BMP2K: variants seen among roughly 807,000 people sequenced by gnomAD.
BMP2K encodes BMP-2-inducible protein kinase.
BMP2K carries 74 observed loss-of-function variants against 116.0 expected under a neutral mutation model. That is an observed-to-expected ratio of 0.64 (90% CI 0.53 to 0.77). The LOEUF (loss-of-function observed/expected upper bound fraction) is 0.77. Ranked by LOEUF, BMP2K falls within the 30% of genes least tolerant of loss-of-function variation. The probability of loss-of-function intolerance (pLI) is 0.00; values close to 1 mark genes in which losing one functional copy is unlikely to be tolerated. For synonymous variants in BMP2K, 486 were observed against 502.5 expected (o/e 0.97, Z 0.44); for missense variants, 1,365 against 1,403.6 (o/e 0.97, Z 0.44).
intron 1 of BMP2K, among the ~76,000 whole-genome samples, chr4:78,812,759 G>A (rs1161607711): frequency 6.6e-6 from 1 of 152,180 alleles, no homozygotes; most frequent in Non-Finnish European, 1.5e-5. Context: ...CTATTTGGCT[G>A]TGGTGGCTCA....
At chr4:78,799,637 C>T (rs543249984) in intron 1 of BMP2K, among the ~76,000 whole-genome samples, 22 of 152,112 alleles carry the variant, frequency 1.4e-4, no homozygotes, top group Non-Finnish European at 2.6e-4. Flanking sequence ...GCTTTTGTAT[C>T]AAAAGTACGT....
At position 78,859,822 on chromosome 4, in the gene BMP2K, A is replaced by G. The variant is rs571235281; in HGVS notation, c.987+135A>G. 3.8e-4 allele frequency: 240 copies of G among 639,376 alleles called. 3 individuals carry two copies. Among genetic ancestry groups the G allele is most frequent in the South Asian group, 2.6e-3 (128 of 49,886 alleles). 39.6% of individuals were successfully genotyped at this position (639,376 alleles called of 1,614,324 possible). A position where few individuals can be genotyped will look rare whatever the true frequency, so the allele number is the denominator to read the frequency against. On this transcript the variant is annotated intron_variant, in intron 8 of 15. Transcript: ENST00000502613. ...TTCTTGTTTCATGACAAGTGATCTG[A>G]TTGTGTGTTTGATATTTGTGGTATA... is the stretch of plus-strand genomic sequence containing the variant.
At chr4:78,783,894 A>G (rs1727617622) in intron 1 of BMP2K, among the ~76,000 whole-genome samples, 1 of 152,226 alleles carries the variant, frequency 6.6e-6, no homozygotes, top group South Asian at 2.1e-4. Context: ...TTTAGGCTGT[A>G]GTCAACTATT....
At chr4:78,886,902 T>A (rs947364278) in intron 14 of BMP2K, among the ~76,000 whole-genome samples, 1 of 152,184 alleles carries the variant, frequency 6.6e-6, no homozygotes, top group Admixed American at 6.5e-5. Context: ...ACAAGTAGTA[T>A]TTAAATGAAT....
At chr4:78,817,190 T>C (rs763355534) in intron 1 of BMP2K, among the ~76,000 whole-genome samples, 1 of 152,166 alleles carries the variant, frequency 6.6e-6, no homozygotes, top group Non-Finnish European at 1.5e-5. Flanking sequence ...AATAGCTGTG[T>C]TCCAAAAACA....
chr4:78,901,463 G>T (rs1180012547), intron 15 of BMP2K, among the ~76,000 whole-genome samples: 2 of 152,158 alleles, frequency 1.3e-5, no homozygotes, highest in Non-Finnish European at 2.9e-5. Context: ...CTTAACTGCT[G>T]AATGAAACCT....
chr4:78,815,480 G>A (rs1410450871), intron 1 of BMP2K, among the ~76,000 whole-genome samples: 4 of 152,124 alleles, frequency 2.6e-5, no homozygotes, highest in East Asian at 3.9e-4. Context: ...AGAATTAATT[G>A]GTAAATTTGA....
intron 14 of BMP2K, among the ~76,000 whole-genome samples, chr4:78,880,671 TG>T (rs1489000353): frequency 6.6e-6 from 1 of 152,224 alleles, no homozygotes; most frequent in African/African-American, 2.4e-5. Context: ...TGCCTATATG[TG>T]TATAACTTCA....
intron 15 of BMP2K, among the ~76,000 whole-genome samples, chr4:78,893,949 C>A (rs912221940): frequency 2.0e-5 from 3 of 152,186 alleles, no homozygotes; most frequent in Non-Finnish European, 4.4e-5. Flanking sequence ...CAACAGTAAT[C>A]TTCTTGTACT....
intron 15 of BMP2K, among the ~76,000 whole-genome samples, chr4:78,889,642 A>G (rs886111553): frequency 1.3e-5 from 2 of 152,214 alleles, no homozygotes; most frequent in African/African-American, 2.4e-5. Context: ...GTTCTATCCA[A>G]TGAAAATACA....
intron 15 of BMP2K, among the ~76,000 whole-genome samples, chr4:78,893,656 G>A (rs999179346): frequency 7.2e-5 from 11 of 152,172 alleles, no homozygotes; most frequent in African/African-American, 2.7e-4. Flanking sequence ...TCGAACTCCT[G>A]GGCTCCAGTG....
intron 1 of BMP2K, among the ~76,000 whole-genome samples, chr4:78,803,171 T>G (rs1299065214): frequency 3.3e-5 from 5 of 152,068 alleles, no homozygotes; most frequent in East Asian, 1.9e-4. Flanking sequence ...TCTTGATAAT[T>G]GTTAAAGTGA....
At chr4:78,791,911 A>T (rs1410860055) in intron 1 of BMP2K, among the ~76,000 whole-genome samples, 2 of 152,224 alleles carry the variant, frequency 1.3e-5, no homozygotes, top group African/African-American at 4.8e-5. Flanking sequence ...ATGGTGTACA[A>T]ATATGTATAT....
intron 15 of BMP2K, among the ~76,000 whole-genome samples, chr4:78,907,070 G>A (rs184564239): frequency 3.3e-5 from 5 of 152,080 alleles, no homozygotes; most frequent in African/African-American, 4.8e-5. Context: ...TATCTAAAAT[G>A]CCGAAAAACT....
intron 15 of BMP2K, among the ~76,000 whole-genome samples, chr4:78,889,663 G>C (rs537685814): frequency 1.3e-5 from 2 of 152,126 alleles, no homozygotes; most frequent in Non-Finnish European, 2.9e-5. Context: ...CTCTACTAGC[G>C]TTGTGAGACT....
chr4:78,878,239 C>T (rs1732724956), intron 13 of BMP2K, among the ~76,000 whole-genome samples: 1 of 152,084 alleles, frequency 6.6e-6, no homozygotes, highest in Non-Finnish European at 1.5e-5. Flanking sequence ...ACTGTGGTGT[C>T]CCAGCATAAC....
rs111546068 is a variant in BMP2K, at chr4:78,878,983, G to A, written c.1951+92G>A. On this transcript the variant is annotated intron_variant, in intron 14 of 15. Coordinates refer to ENST00000502613, the MANE Select transcript of BMP2K (RefSeq NM_198892.2). The stretch of plus-strand genomic sequence containing the variant: ...GCCAAAGACTTTTGAGAATGTGTAT[G>A]GAAAATTCTTTTTGTGCATTTGAGG... 6.6e-6 allele frequency: 10 copies of A among 1,522,522 alleles called. 1 individual carries two copies. In the African/African-American group the frequency reaches 9.9e-5, roughly 15 times the overall value. The allele number at this position is 1,522,522 out of a possible 1,614,324, so 94.3% of individuals were successfully genotyped here.
chr4:78,882,000 A>G (rs922463967), intron 14 of BMP2K, among the ~76,000 whole-genome samples: 1 of 152,036 alleles, frequency 6.6e-6, no homozygotes, highest in Non-Finnish European at 1.5e-5. Context: ...CCAGTGAGAA[A>G]CTGAAAGCCT....
chr4:78,846,345 A>C (rs1164998956), intron 5 of BMP2K, among the ~76,000 whole-genome samples: 1 of 151,618 alleles, frequency 6.6e-6, no homozygotes, highest in African/African-American at 2.4e-5. Flanking sequence ...TTCTTAGGTC[A>C]TTCCTCCACA....
Sources: allele counts gnomAD v4.1 joint callset (sites outside exome capture counted in the v4.1 genomes callset), GRCh38; gene constraint gnomAD v4.1.1; transcripts MANE v1.5; gene names NCBI Gene and HGNC (gene_info 2026-07-23, HGNC 2026-07-21).